The following IQCH variants were observed in gnomAD, a reference collection of about 807,000 sequenced individuals.
IQCH encodes the protein IQ motif containing H.
IQCH carries 98 observed loss-of-function variants against 117.0 expected under a neutral mutation model. That is an observed-to-expected ratio of 0.84 (90% CI 0.71 to 0.99). IQCH has a LOEUF of 0.99. Among genes scored for constraint, IQCH ranks in the 50% least tolerant of loss-of-function variants. IQCH has a pLI of 0.00. For synonymous variants in IQCH, 412 were observed against 448.2 expected, an observed-to-expected ratio of 0.92 and a Z score of 1.02; for missense variants, 1,102 against 1,243.8, an observed-to-expected ratio of 0.89 and a Z score of 1.72.
chr15:67,405,420 A>ATCC lies in IQCH; in HGVS notation c.2097+5117_2097+5118insCTC, dbSNP rs998034757. 6.3e-6 allele frequency: 1 copy of ATCC among 158,498 alleles called. No homozygotes were observed. The highest frequency in any genetic ancestry group is 1.4e-5 in the Non-Finnish European group (1 of 72,612). 9.8% of individuals were successfully genotyped at this position (158,498 alleles called of 1,614,324 possible). ...CATCATCATCATCATCATCATCATC[A>ATCC]TCATCATCAATAAATACTGCAGAGT... is the stretch of plus-strand genomic sequence containing the variant. On this transcript the variant is annotated intron_variant, in intron 14 of 20. Transcript: ENST00000335894. The surrounding 1 kb of genome is among the most constrained non-coding windows in gnomAD (Gnocchi z 4.8).
chr15:67,281,499 A>AGG (rs1223131262), intron 4 of IQCH: 1 of 335,262 alleles, frequency 3.0e-6, no homozygotes, highest in Non-Finnish European at 5.9e-6. Context: ...AGGTTATAAG[A>AGG]GGGAGAAAGG....
intron 18 of IQCH, among the ~76,000 whole-genome samples, chr15:67,477,044 C>CTTTTTTTTTT (rs71455553): frequency 5.2e-4 from 37 of 71,180 alleles, no homozygotes; most frequent in African/African-American, 8.1e-4. Context: ...TCTTTTTCTT[C>CTTTTTTTTTT]TTTTTTTTTT....
At chr15:67,340,577 C>T (rs1969125670) in intron 5 of IQCH, among the ~76,000 whole-genome samples, 3 of 151,534 alleles carry the variant, frequency 2.0e-5, no homozygotes, top group African/African-American at 7.3e-5. Flanking sequence ...AAGAGAGCAG[C>T]ACTGAAACTA....
intron 3 of IQCH, among the ~76,000 whole-genome samples, chr15:67,267,773 G>C (rs1965736019): frequency 6.6e-6 from 1 of 152,040 alleles, no homozygotes; most frequent in Non-Finnish European, 1.5e-5. Flanking sequence ...TTAGATATGG[G>C]GCTTCACTTT....
At chr15:67,275,780 T>A (rs896070103) in intron 3 of IQCH, among the ~76,000 whole-genome samples, 3 of 152,148 alleles carry the variant, frequency 2.0e-5, no homozygotes, top group Non-Finnish European at 4.4e-5. Context: ...CTCTGGAGGC[T>A]GAGGCAGGAG....
At chr15:67,368,939 G>A (rs1970426413) in intron 8 of IQCH, among the ~76,000 whole-genome samples, 1 of 152,072 alleles carries the variant, frequency 6.6e-6, no homozygotes, top group Non-Finnish European at 1.5e-5. Context: ...AGGCTGGAGT[G>A]CAGTGGTGTG....
intron 14 of IQCH, among the ~76,000 whole-genome samples, chr15:67,414,637 C>G (rs966701304): frequency 1.2e-4 from 18 of 149,266 alleles, no homozygotes; most frequent in Admixed American, 6.7e-4. Flanking sequence ...TGCCTTTTCT[C>G]CCTCTCTCCC....
intron 1 of IQCH, among the ~76,000 whole-genome samples, chr15:67,260,224 C>G (rs978866859): frequency 3.3e-5 from 5 of 152,162 alleles, no homozygotes; most frequent in African/African-American, 1.2e-4. Flanking sequence ...TTGGTGCCAT[C>G]TGTATTTATC....
chr15:67,313,058 C>T (rs1399465784), intron 4 of IQCH, among the ~76,000 whole-genome samples: 1 of 152,126 alleles, frequency 6.6e-6, no homozygotes, highest in Admixed American at 6.5e-5. Context: ...CCAGAAGATA[C>T]TTACTTAGAG....
chr15:67,391,103 C>G lies in IQCH; in HGVS notation c.1632+2097C>G, dbSNP rs1971271238. ...ACTCTATCATCCTATTACCTGAGAA[C>G]CATACCCTTGCTAGTCCACTCTGGC... On this transcript the variant is annotated intron_variant, in intron 12 of 20. Transcript: ENST00000335894. This position sits in a 1 kb window ranked among gnomAD's most constrained non-coding sequence, Gnocchi z 4.3. Among the ~76,000 whole-genome samples, 1 of 152,286 alleles carries G rather than the reference C, an allele frequency of 6.6e-6. No homozygotes were observed. The highest frequency in any genetic ancestry group is 1.9e-4 in the East Asian group (1 of 5,180).
At chr15:67,497,990 C>G (rs925535461) in intron 20 of IQCH, among the ~76,000 whole-genome samples, 4 of 152,072 alleles carry the variant, frequency 2.6e-5, no homozygotes, top group Non-Finnish European at 5.9e-5. Context: ...GGCTTTTTTG[C>G]AGAAATTGAC....
At chr15:67,328,842 G>C (rs1334168122) in intron 4 of IQCH, among the ~76,000 whole-genome samples, 1 of 152,096 alleles carries the variant, frequency 6.6e-6, no homozygotes, top group Non-Finnish European at 1.5e-5. Context: ...AAAACAATAG[G>C]TGGCAATAGA....
chr15:67,255,164 C>G (rs1015061027), intron 1 of IQCH: 1 of 595,034 alleles, frequency 1.7e-6, no homozygotes, highest in Non-Finnish European at 3.0e-6. Context: ...AGAAGCAGGA[C>G]TTTCTGCCTC....
At position 67,467,378 on chromosome 15, in the gene IQCH, A is replaced by G. The variant is rs527452578; in HGVS notation, c.2676+2081A>G. Among the ~76,000 whole-genome samples the G allele has an allele frequency of 1.3e-5, 2 of 152,324 alleles. No homozygotes were observed. Among genetic ancestry groups the G allele is most frequent in the Admixed American group, 1.3e-4 (2 of 15,294 alleles). On this transcript the variant is annotated intron_variant, in intron 17 of 20. Coordinates refer to ENST00000335894, the MANE Select transcript of IQCH (RefSeq NM_001031715.3). This position sits in a 1 kb window ranked among gnomAD's most constrained non-coding sequence, Gnocchi z 5.7. ...CTCTTCCATTTTCCCCATGTTGCCTATAGGTTTCATTCCTAGCTATAGGCA... is the reference window on the plus strand; with the variant it reads ...CTCTTCCATTTTCCCCATGTTGCCTGTAGGTTTCATTCCTAGCTATAGGCA...
At chr15:67,398,162 C>T (rs895550071) in intron 13 of IQCH, among the ~76,000 whole-genome samples, 1 of 152,026 alleles carries the variant, frequency 6.6e-6, no homozygotes, top group South Asian at 2.1e-4. Flanking sequence ...TAGTCGAAAC[C>T]TGCAAATATA....
At chr15:67,321,324 A>G (rs541356979) in intron 4 of IQCH, among the ~76,000 whole-genome samples, 29 of 152,220 alleles carry the variant, frequency 1.9e-4, no homozygotes, top group South Asian at 4.1e-4. Flanking sequence ...GTCTGTGTTC[A>G]CAATCCCCCT....
intron 4 of IQCH, chr15:67,281,991 T>C: frequency 3.0e-6 from 1 of 332,266 alleles, no homozygotes; most frequent in Non-Finnish European, 6.0e-6. Context: ...GAGTGCTTAC[T>C]GTGTGCCCAG....
In IQCH at chr15:67,380,652, T is replaced by G. The variant is rs75606916; in HGVS notation, c.1373-4284T>G. On this transcript the variant is annotated intron_variant, in intron 10 of 20. Coordinates refer to ENST00000335894, the MANE Select transcript of IQCH (RefSeq NM_001031715.3). ...TTTCTACCATTAGAATACCAAAGTT[T>G]TCTTATGAATTGGAGCAATTCCAGA... 4.8e-3 allele frequency among the ~76,000 whole-genome samples: 738 copies of G among 152,358 alleles called. 5 individuals carry two copies. The highest frequency in any genetic ancestry group is 0.017 in the African/African-American group (714 of 41,586).
intron 4 of IQCH, among the ~76,000 whole-genome samples, chr15:67,312,159 G>T (rs1967626475): frequency 6.6e-6 from 1 of 152,110 alleles, no homozygotes. Flanking sequence ...TAGGCACAGA[G>T]ACCTGTGTCA....
Sources: gnomAD v4.1 joint callset for allele counts (sites outside exome capture counted in the v4.1 genomes callset) on GRCh38, gnomAD v4.1.1 for gene constraint, Gnocchi (gnomAD v3.1) non-coding constraint, MANE v1.5 for transcripts, NCBI Gene and HGNC (gene_info 2026-07-23, HGNC 2026-07-21) for gene names.